The following PDZD2 variants were observed in gnomAD, a reference collection of about 807,000 sequenced individuals.
PDZD2 encodes PDZ domain containing 2.
In PDZD2, 90 loss-of-function variants were observed where a neutral mutation model predicts 220.7. The observed-to-expected ratio is 0.41, with a 90% CI of 0.34 to 0.49. PDZD2 has a LOEUF of 0.49. Ranked by LOEUF, PDZD2 falls within the 20% of genes least tolerant of loss-of-function variation. PDZD2 has a pLI of 0.28. For synonymous variants in PDZD2, 1,375 were observed against 1,450.5 expected, an observed-to-expected ratio of 0.95 and a Z score of 1.18; for missense variants, 3,174 against 3,608.5, an observed-to-expected ratio of 0.88 and a Z score of 3.08.
chr5:31,983,012 T>A lies in PDZD2; in HGVS notation c.477-143T>A, dbSNP rs1030184222. On this transcript the variant is annotated intron_variant, in intron 2 of 24. Transcript: ENST00000438447. Reference sequence around the variant, plus strand: ...ACATAGATGAAAAGAATGAATTGGGTGTTGAATCTCTTTAGGAAGCTCAAT... The same window carrying A: ...ACATAGATGAAAAGAATGAATTGGGAGTTGAATCTCTTTAGGAAGCTCAAT... The A allele has an allele frequency of 2.3e-5, 16 of 704,458 alleles. No homozygotes were observed. In the Admixed American group the frequency reaches 3.8e-4, roughly 17 times the overall value. The allele number at this position is 704,458 out of a possible 1,614,324, so 43.6% of individuals were successfully genotyped here.
intron 1 of PDZD2, among the ~76,000 whole-genome samples, chr5:31,737,167 C>CTT (rs57379430): frequency 0.026 from 1,711 of 66,048 alleles, 36 homozygotes; most frequent in African/African-American, 0.035. Flanking sequence ...CAGTCTACTT[C>CTT]TTTTTTTTTT....
At chr5:32,092,120 A>C (rs554154932) in intron 20 of PDZD2, among the ~76,000 whole-genome samples, 1 of 151,106 alleles carries the variant, frequency 6.6e-6, no homozygotes, top group East Asian at 2.0e-4. Context: ...CTAAAAATAC[A>C]AAAATTAGCT....
At chr5:31,746,778 G>A (rs1580674774) in intron 1 of PDZD2, among the ~76,000 whole-genome samples, 2 of 152,220 alleles carry the variant, frequency 1.3e-5, no homozygotes, top group African/African-American at 4.8e-5. Flanking sequence ...CCAAAGAGGA[G>A]GAAAGATTTA....
intron 2 of PDZD2, among the ~76,000 whole-genome samples, chr5:31,801,899 A>G (rs1754414360): frequency 6.6e-6 from 1 of 152,180 alleles, no homozygotes; most frequent in South Asian, 2.1e-4. Flanking sequence ...CCAGCCTCTA[A>G]GAACCTATCT....
chr5:31,927,913 A>G (rs921469929), intron 2 of PDZD2, among the ~76,000 whole-genome samples: 18 of 151,998 alleles, frequency 1.2e-4, no homozygotes, highest in Admixed American at 1.2e-3. Context: ...CTATACCCCC[A>G]TTTCACAGGG....
At chr5:31,960,812 ATT>A (rs1367648860) in intron 2 of PDZD2, among the ~76,000 whole-genome samples, 1 of 152,142 alleles carries the variant, frequency 6.6e-6, no homozygotes, top group Non-Finnish European at 1.5e-5. Flanking sequence ...TATATTATAT[ATT>A]TTGTACATTC....
At chr5:31,780,298 G>T (rs148940393) in intron 1 of PDZD2, among the ~76,000 whole-genome samples, 1 of 118,444 alleles carries the variant, frequency 8.4e-6, no homozygotes, top group African/African-American at 3.2e-5. Flanking sequence ...GGGATTCTGC[G>T]CCTTAAGGAT....
intron 1 of PDZD2, among the ~76,000 whole-genome samples, chr5:31,737,649 G>A (rs557643720): frequency 4.6e-5 from 7 of 152,218 alleles, no homozygotes; most frequent in South Asian, 4.2e-4. Context: ...GTGGCTTATC[G>A]GAGTGGCTAA....
chr5:32,059,376 G>A lies in PDZD2; in HGVS notation c.2318+20G>A, dbSNP rs758795258. 1 of 1,257,062 alleles carries A rather than the reference G, an allele frequency of 8.0e-7. No homozygotes were observed. Among genetic ancestry groups the A allele is most frequent in the African/African-American group, 1.5e-5 (1 of 68,186 alleles). 77.9% of individuals were successfully genotyped at this position (1,257,062 alleles called of 1,614,324 possible). On this transcript the variant is annotated intron_variant, in intron 13 of 24. Transcript: ENST00000438447. ...CCTGAGGTTTGTTGTTTGCCTGATA[G>A]TGTAAGGTTCTGGAGTGTTCATAAA...
chr5:31,806,978 A>G (rs961946113), intron 2 of PDZD2, among the ~76,000 whole-genome samples: 1 of 137,676 alleles, frequency 7.3e-6, no homozygotes, highest in Admixed American at 8.0e-5. Flanking sequence ...CTTGTTGCCC[A>G]GGCTGGAGTG....
At chr5:31,936,202 T>C in intron 2 of PDZD2, 1 of 987,840 alleles carries the variant, frequency 1.0e-6, no homozygotes, top group Middle Eastern at 2.8e-4. Context: ...GCGCAGCTTG[T>C]ATTTTTGTTG....
chr5:31,962,568 G>C (rs1748346693), intron 2 of PDZD2, among the ~76,000 whole-genome samples: 1 of 152,142 alleles, frequency 6.6e-6, no homozygotes, highest in African/African-American at 2.4e-5. Context: ...GCCTCCCCTG[G>C]AACCTATTTT....
intron 8 of PDZD2, among the ~76,000 whole-genome samples, chr5:32,050,655 G>A (rs907051466): frequency 6.6e-5 from 10 of 151,960 alleles, no homozygotes; most frequent in South Asian, 2.1e-4. Context: ...TTATCTTTAC[G>A]AAAACAAATT....
chr5:32,048,421 C>T (rs973024242), intron 7 of PDZD2, 118 bp from the exon 8 acceptor site: 33 of 782,198 alleles, frequency 4.2e-5, no homozygotes, highest in African/African-American at 1.4e-4. Flanking sequence ...GTGTATTGGA[C>T]GCTAGGCTTC....
At position 32,029,329 on chromosome 5, in the gene PDZD2, T is replaced by TAAAAAAAAAAAAAAAAAAA. The variant is rs34025632; in HGVS notation, c.1408-7896_1408-7878dup. 4.6e-5 allele frequency among the ~76,000 whole-genome samples: 3 copies of TAAAAAAAAAAAAAAAAAAA among 65,834 alleles called. 1 individual carries two copies. The highest frequency in any genetic ancestry group is 8.0e-5 in the Non-Finnish European group (3 of 37,560). The allele number at this position is 65,834 out of a possible 152,430, so 43.2% of individuals were successfully genotyped here. On this transcript the variant is annotated intron_variant, in intron 6 of 24. Transcript: ENST00000438447. Reference sequence around the variant, plus strand: ...TTGCCAAAGGTAGTATCAAGAACTGTAAAAAAAAAAAAAAAAAAAAAAAAG... The same window carrying TAAAAAAAAAAAAAAAAAAA: ...TTGCCAAAGGTAGTATCAAGAACTGTAAAAAAAAAAAAAAAAAAAAAAAAAAAAAAAAAAAAAAAAAAAG...
At chr5:32,099,793 C>T (rs577935293) in intron 23 of PDZD2, 1 of 152,366 alleles carries the variant, frequency 6.6e-6, no homozygotes, top group South Asian at 2.1e-4. Flanking sequence ...AACTTCAGGG[C>T]CTCTGGTCTT....
intron 1 of PDZD2, among the ~76,000 whole-genome samples, chr5:31,776,345 A>G (rs1752643072): frequency 6.6e-6 from 1 of 151,910 alleles, no homozygotes; most frequent in Admixed American, 6.6e-5. Flanking sequence ...ATCCCATCTG[A>G]GCTATGAGGA....
rs1458674574 is a variant in PDZD2, at chr5:32,089,166, G to A, written c.5718G>A (p.Val1906=). The A allele has an allele frequency of 1.2e-6, 2 of 1,614,024 alleles. No homozygotes were observed. Among genetic ancestry groups the A allele is most frequent in the African/African-American group, 2.7e-5 (2 of 74,918 alleles). The change falls in exon 20 of 25, where the codon GTG becomes GTA. Residue 1906 remains valine (V), a synonymous_variant. Transcript: ENST00000438447. ...VNSEAPAANA[V]KAGGTDHRKP... ...CTGAGGCCCCTGCTGCGAATGCTGT[G>A]AAGGCTGGGGGGACGGACCACAGGA...
chr5:32,057,394 A>G (rs1165571091), intron 10 of PDZD2, among the ~76,000 whole-genome samples: 2 of 152,228 alleles, frequency 1.3e-5, no homozygotes, highest in Non-Finnish European at 2.9e-5. Flanking sequence ...AAACTTGGCA[A>G]TGGCTAAAAA....
Sources: allele counts gnomAD v4.1 joint callset (sites outside exome capture counted in the v4.1 genomes callset), GRCh38; gene constraint gnomAD v4.1.1; transcripts MANE v1.5; gene names NCBI Gene and HGNC (gene_info 2026-07-23, HGNC 2026-07-21).